Variants in ATXN2L observed in about 807,000 individuals in gnomAD.
ATXN2L encodes the protein ataxin 2 like, also known as ataxin-2-like protein.
In ATXN2L, 24 loss-of-function variants were observed where a neutral mutation model predicts 120.7. That is an observed-to-expected ratio of 0.20 (90% CI 0.14 to 0.28). The LOEUF (loss-of-function observed/expected upper bound fraction) is 0.28, where lower values mean the gene tolerates loss of function less well. Among genes scored for constraint, ATXN2L ranks in the 10% least tolerant of loss-of-function variants. ATXN2L has a pLI of 1.00. For missense variants in ATXN2L, 1,312 were observed against 1,432.3 expected (o/e 0.92, Z 1.36); for synonymous variants, 653 against 568.1 (o/e 1.15, Z -2.13).
chr16:28,832,125 C>G (rs574177556), intron 10 of ATXN2L, 80 bp from the exon 11 acceptor site: 88 of 1,473,874 alleles, frequency 6.0e-5, no homozygotes, highest in Non-Finnish European at 7.9e-5. Flanking sequence ...TGTAAACTTT[C>G]TTGCTGTTTT....
rs1192875780 is a variant in ATXN2L, at chr16:28,834,565, C to G, written c.2305C>G (p.Gln769Glu). The change falls in exon 18 of 22, where the codon CAG becomes GAG. Residue 769 changes from glutamine to glutamate, a missense_variant. Physicochemically the swap from Gln to Glu is conservative, Grantham distance 29. Coordinates refer to ENST00000336783, the MANE Select transcript of ATXN2L (RefSeq NM_007245.4). ...GCCAGCCTCAGCCCCGCCGATGATGCAGGCCGCCGCGGCTGCTGGCCCGCC... is the reference window on the plus strand; with the variant it reads ...GCCAGCCTCAGCCCCGCCGATGATGGAGGCCGCCGCGGCTGCTGGCCCGCC... ...HQPASAPPMM[Q>E]AAAAAGPPLV... 3 of 1,612,424 alleles carry G rather than the reference C, an allele frequency of 1.9e-6. No individual in the cohort carries two copies. Among genetic ancestry groups the G allele is most frequent in the African/African-American group, 1.3e-5 (1 of 74,916 alleles).
chr16:28,829,980 A>T lies in ATXN2L; in HGVS notation c.956A>T (p.Asp319Val). The change falls in exon 8 of 22, where the codon GAT becomes GTT. Residue 319 changes from aspartate to valine, a missense_variant. Asp to Val is a radical substitution (Grantham distance 152). Coordinates refer to ENST00000336783, the MANE Select transcript of ATXN2L (RefSeq NM_007245.4). ...CTACGGATCGCCATGGAGAACGACG[A>T]TGGGCGCACTGAAGAGGAGAAGCAC... ...YRLRIAMENDDGRTEEEKHSA... is the reference protein window; with the variant it reads ...YRLRIAMENDVGRTEEEKHSA... 6.2e-7 allele frequency: 1 copy of T among 1,614,188 alleles called. No homozygotes were observed. Among genetic ancestry groups the T allele is most frequent in the Non-Finnish European group, 8.5e-7 (1 of 1,180,038 alleles).
chr16:28,824,078 CG>C, intron 1 of ATXN2L: 7 of 999,970 alleles, frequency 7.0e-6, no homozygotes, highest in Non-Finnish European at 8.4e-6. Flanking sequence ...GCGAGGTGGG[CG>C]GGGGGACGGA....
intron 9 of ATXN2L, 69 bp from the exon 10 acceptor site, chr16:28,830,893 G>T (rs2054128312): frequency 4.7e-6 from 7 of 1,500,058 alleles, no homozygotes; most frequent in Non-Finnish European, 6.3e-6. Flanking sequence ...ACGCTGCATC[G>T]GTGGGAATGT....
chr16:28,828,669 C>G (rs1350491679), intron 6 of ATXN2L, among the ~76,000 whole-genome samples: 1 of 151,084 alleles, frequency 6.6e-6, no homozygotes, highest in South Asian at 2.1e-4. Flanking sequence ...AATTTTTTTT[C>G]CACTCTTGTT....
intron 8 of ATXN2L, 146 bp from the exon 9 acceptor site, chr16:28,830,469 C>A: frequency 2.6e-6 from 2 of 773,458 alleles, no homozygotes; most frequent in Non-Finnish European, 2.0e-6. Context: ...TAAACTAGGG[C>A]AGATCTTCAA....
Position 28,835,540 on chromosome 16 carries a change from C to T in ATXN2L, c.2686-9C>T. On this transcript the variant is annotated splice_polypyrimidine_tract_variant and intron_variant, in intron 20 of 21. Transcript: ENST00000336783. ...CCTGTGTGGCACTCAACCTTCCCCT[C>T]CCCAGCAGCATCAGGCGGGGCAGGC... 6 of 1,613,142 alleles carry T rather than the reference C, an allele frequency of 3.7e-6. No homozygotes were observed. Among genetic ancestry groups the T allele is most frequent in the Non-Finnish European group, 5.1e-6 (6 of 1,179,824 alleles).
Position 28,829,844 on chromosome 16 carries a change from G to A in ATXN2L, c.834-14G>A. ...TGGCACTGGGATGGTGGTGGTCTGT[G>A]GGTGCTGTCTCAGGGTGCCCTTAGA... On this transcript the variant is annotated splice_polypyrimidine_tract_variant and intron_variant, in intron 7 of 21. Coordinates refer to ENST00000336783, the MANE Select transcript of ATXN2L (RefSeq NM_007245.4). 2 of 1,613,832 alleles carry A rather than the reference G, an allele frequency of 1.2e-6. No individual in the cohort carries two copies. Among genetic ancestry groups the A allele is most frequent in the Non-Finnish European group, 1.7e-6 (2 of 1,179,724 alleles).
At position 28,826,889 on chromosome 16, in the gene ATXN2L, T is replaced by C; in HGVS notation, c.644T>C (p.Met215Thr). The change falls in exon 6 of 22, where the codon ATG (methionine) becomes ACG (threonine). Residue 215 changes from methionine (M) to threonine (T), a missense_variant. Met to Thr is a moderately conservative substitution (Grantham distance 81). Transcript: ENST00000336783. ...AAGTTCACCGATTCAGCCATTGCCA[T>C]GAACTCGAAAGTGAATGGGGAACAC... ...KDKFTDSAIA[M>T]NSKVNGEHKE... is the part of the protein sequence containing the mutation. The C allele has an allele frequency of 1.3e-6, 2 of 1,595,270 alleles. No homozygotes were observed. Among genetic ancestry groups the C allele is most frequent in the East Asian group, 2.2e-5 (1 of 44,482 alleles).
At chr16:28,825,740 A>T in intron 3 of ATXN2L, 30 bp from the exon 4 acceptor site, 1 of 1,613,550 alleles carries the variant, frequency 6.2e-7, no homozygotes, top group Non-Finnish European at 8.5e-7. Context: ...CTTTCTGGAG[A>T]CACTCTTCTT....
intron 1 of ATXN2L, chr16:28,824,206 C>G: frequency 9.5e-7 from 1 of 1,054,170 alleles, no homozygotes; most frequent in Non-Finnish European, 1.2e-6. Flanking sequence ...CCCGGGAACA[C>G]CTAGGGCAGG....
At position 28,829,726 on chromosome 16, in the gene ATXN2L, G is replaced by A. The variant is rs371606385; in HGVS notation, c.834-132G>A. 510 of 990,028 alleles carry A rather than the reference G, an allele frequency of 5.2e-4. 2 individuals are homozygous for A. The African/African-American group carries it at 7.5e-3, about 15-fold the overall frequency. The allele number at this position is 990,028 out of a possible 1,614,324, so 61.3% of individuals were successfully genotyped here. A position where few individuals can be genotyped will look rare whatever the true frequency, so the allele number is the denominator to read the frequency against. ...TCTACCTGGGATGCAGTCGGTGCCC[G>A]TTACCCAGATGTTGAAGGGATTAAA... On this transcript the variant is annotated intron_variant, in intron 7 of 21. Coordinates refer to ENST00000336783, the MANE Select transcript of ATXN2L (RefSeq NM_007245.4).
rs1303259791 is a variant in ATXN2L at position 28,836,610 on chromosome 16, C to T, written c.*345C>T. The T allele has an allele frequency of 3.8e-6, 6 of 1,592,628 alleles. No individual in the cohort carries two copies. Among genetic ancestry groups the T allele is most frequent in the Non-Finnish European group, 5.1e-6 (6 of 1,172,052 alleles). On this transcript the variant is annotated 3_prime_UTR_variant, in exon 22 of 22. Transcript: ENST00000336783. ...GTGCTTCTGACAGCCCCCGAGACAC[C>T]TTGAGGAGGCCGCTCCTTCCCAGAC...
rs755909795 is a variant in ATXN2L, at chr16:28,836,966, G to C, written c.*701G>C. On this transcript the variant is annotated 3_prime_UTR_variant, in exon 22 of 22. Transcript: ENST00000336783. ...GGCAGGGCCAGGGTCCAGCAGGGGT[G>C]GGGGGTTCCTGCTCTGCCCCTGCCC... is the stretch of plus-strand genomic sequence containing the variant. The C allele has an allele frequency of 1.2e-5, 8 of 687,226 alleles. No individual in the cohort carries two copies. The highest frequency in any genetic ancestry group is 5.3e-5 in the African/African-American group (3 of 56,124). 42.6% of individuals were successfully genotyped at this position (687,226 alleles called of 1,614,324 possible).
At position 28,837,000 on chromosome 16, in the gene ATXN2L, C is replaced by G. The variant is rs779866515; in HGVS notation, c.*735C>G. On this transcript the variant is annotated 3_prime_UTR_variant, in exon 22 of 22. Coordinates refer to ENST00000336783, the MANE Select transcript of ATXN2L (RefSeq NM_007245.4). The stretch of plus-strand genomic sequence containing the variant: ...CTGCTCTGCCCCTGCCCGTCCCCAC[C>G]CAGTCTTGCCCTCCCATCCTCTCAT... 1.1e-5 allele frequency: 7 copies of G among 664,146 alleles called. No homozygotes were observed. The highest frequency in any genetic ancestry group is 1.9e-5 in the Non-Finnish European group (7 of 364,856). 41.1% of individuals were successfully genotyped at this position (664,146 alleles called of 1,614,324 possible). A position where few individuals can be genotyped will look rare whatever the true frequency, so the allele number is the denominator to read the frequency against.
rs754997500 is a variant in ATXN2L, at chr16:28,825,698, C to A, written c.393+18C>A. The A allele has an allele frequency of 1.9e-6, 3 of 1,613,810 alleles. No homozygotes were observed. The highest frequency in any genetic ancestry group is 1.3e-5 in the African/African-American group (1 of 74,866). On this transcript the variant is annotated intron_variant, in intron 3 of 21. Transcript: ENST00000336783. Reference sequence around the variant, plus strand: ...CTGTTGTGGTAAGTTGGTACTTAACCCCCGGGTTGTTTAAGGAACGTAATG... The same window carrying A: ...CTGTTGTGGTAAGTTGGTACTTAACACCCGGGTTGTTTAAGGAACGTAATG...
chr16:28,834,432 G>A lies in ATXN2L; in HGVS notation c.2245+17G>A, dbSNP rs779864932. 1.2e-6 allele frequency: 2 copies of A among 1,613,798 alleles called. No individual in the cohort carries two copies. The highest frequency in any genetic ancestry group is 1.3e-5 in the African/African-American group (1 of 74,942). ...GAGCAAAAGGTGAGCAGGGCTGGGA[G>A]GGGCAGGCGGCGAGGCTGCCAAGGG... On this transcript the variant is annotated intron_variant, in intron 17 of 21. Transcript: ENST00000336783.
At chr16:28,823,756 G>A (rs1416301891) in intron 1 of ATXN2L, 198 bp downstream of exon 1, 24 of 481,652 alleles carry the variant, frequency 5.0e-5, no homozygotes, top group Non-Finnish European at 7.2e-5. Flanking sequence ...AGCACTGAGG[G>A]GCCGCGCTCG....
At chr16:28,827,161 C>A (rs780075298) in intron 6 of ATXN2L, among the ~76,000 whole-genome samples, 175 bp downstream of exon 6, 1 of 152,200 alleles carries the variant, frequency 6.6e-6, no homozygotes, top group East Asian at 1.9e-4. Flanking sequence ...TAGCTGGGTG[C>A]AGTGGCTCAT....
Sources: gnomAD v4.1 joint callset for allele counts (sites outside exome capture counted in the v4.1 genomes callset) on GRCh38, gnomAD v4.1.1 for gene constraint, MANE v1.5 for transcripts, NCBI Gene and HGNC (gene_info 2026-07-23, HGNC 2026-07-21) for gene names.